The following STK3 variants were observed in gnomAD, a reference collection of about 807,000 sequenced individuals.
STK3 encodes serine/threonine kinase 3.
A neutral mutation model predicts 58.0 loss-of-function variants in STK3; 41 were observed. The observed-to-expected ratio is 0.71, with a 90% CI of 0.55 to 0.92. The LOEUF (loss-of-function observed/expected upper bound fraction) is 0.92. Among genes scored for constraint, STK3 ranks in the 40% least tolerant of loss-of-function variants. The pLI, the probability that STK3 is intolerant of heterozygous loss-of-function variation, is 0.00. For missense variants in STK3, 479 were observed against 602.7 expected (o/e 0.79, Z 2.15); for synonymous variants, 170 against 191.0 (o/e 0.89, Z 0.91).
intron 6 of STK3, among the ~76,000 whole-genome samples, chr8:98,618,368 GC>G (rs1178473421): frequency 6.6e-6 from 1 of 151,480 alleles, no homozygotes. Flanking sequence ...TACTGAATGG[GC>G]AAAAACTGGA....
intron 1 of STK3, among the ~76,000 whole-genome samples, chr8:98,786,159 G>A (rs989279432): frequency 2.0e-5 from 3 of 152,164 alleles, no homozygotes; most frequent in Non-Finnish European, 2.9e-5. Context: ...ATTTTTAAAA[G>A]AAATCAATCA....
At chr8:98,653,519 C>G (rs1821165296) in intron 6 of STK3, among the ~76,000 whole-genome samples, 1 of 152,076 alleles carries the variant, frequency 6.6e-6, no homozygotes, top group African/African-American at 2.4e-5. Flanking sequence ...ACAAAAAACC[C>G]TTCAAAAAAT....
chr8:98,817,532 T>C (rs1255200045), intron 1 of STK3, among the ~76,000 whole-genome samples: 1 of 151,636 alleles, frequency 6.6e-6, no homozygotes, highest in East Asian at 1.9e-4. Context: ...CCACTTAATA[T>C]CACATTTTAG....
At chr8:98,505,708 G>C (rs551076069) in intron 10 of STK3, among the ~76,000 whole-genome samples, 1 of 152,136 alleles carries the variant, frequency 6.6e-6, no homozygotes, top group South Asian at 2.1e-4. Context: ...TGTTTGCCTG[G>C]GTATCACCAG....
At chr8:98,640,342 G>A (rs191157051) in intron 6 of STK3, among the ~76,000 whole-genome samples, 75 of 152,228 alleles carry the variant, frequency 4.9e-4, no homozygotes, top group Admixed American at 8.5e-4. Flanking sequence ...GAGCAACTGT[G>A]CCTGACCTCC....
At position 98,823,604 on chromosome 8, in the gene STK3, G is replaced by A. The variant is rs539108717; in HGVS notation, c.26+1911C>T. On this transcript the variant is annotated intron_variant, in intron 1 of 10. Transcript: ENST00000419617. ...CAACTAACACTGTTGAACACATAGG[G>A]GCTTCAAATATATTTGTCAAATTTT... Among the ~76,000 whole-genome samples, 6 of 152,214 alleles carry A rather than the reference G, an allele frequency of 3.9e-5. No homozygotes were observed. In the East Asian group the frequency reaches 7.7e-4, roughly 20 times the overall value.
chr8:98,364,080 C>T, the STK3 span, among the ~76,000 whole-genome samples: 1 of 152,134 alleles, frequency 6.6e-6, no homozygotes, highest in South Asian at 2.1e-4. Context: ...TCACTGTCTG[C>T]TGGAGGGCCA....
chr8:98,462,763 G>A (rs564569097), intron 10 of STK3, among the ~76,000 whole-genome samples: 8 of 152,102 alleles, frequency 5.3e-5, no homozygotes, highest in Admixed American at 2.6e-4. Flanking sequence ...CCTTTCTCTC[G>A]TATCTCCTTT....
upstream of STK3, among the ~76,000 whole-genome samples, chr8:98,828,604 A>AAG (rs894984881): frequency 4.0e-5 from 6 of 151,818 alleles, no homozygotes; most frequent in Admixed American, 2.0e-4. Context: ...GAAAGAAAGA[A>AAG]AGAGAGAGAG....
intron 1 of STK3, among the ~76,000 whole-genome samples, chr8:98,911,301 A>G (rs1053184049): frequency 2.6e-5 from 4 of 152,244 alleles, no homozygotes; most frequent in Non-Finnish European, 5.9e-5. Flanking sequence ...TGTTTTTGCC[A>G]TGATCAATAA....
At chr8:98,473,685 T>C (rs1206375882) in intron 10 of STK3, among the ~76,000 whole-genome samples, 1 of 152,190 alleles carries the variant, frequency 6.6e-6, no homozygotes, top group Non-Finnish European at 1.5e-5. Flanking sequence ...CAGCTGTACT[T>C]GATACTTTGT....
chr8:98,586,746 A>G (rs1456187509), intron 7 of STK3, among the ~76,000 whole-genome samples: 2 of 151,992 alleles, frequency 1.3e-5, no homozygotes, highest in Non-Finnish European at 2.9e-5. Flanking sequence ...TTTGGTTGGT[A>G]AGCTATTGAT....
chr8:98,531,232 T>C (rs1826150263), intron 9 of STK3, among the ~76,000 whole-genome samples: 1 of 152,262 alleles, frequency 6.6e-6, no homozygotes, highest in Non-Finnish European at 1.5e-5. Flanking sequence ...CCTTATAAAA[T>C]GTATTTCTTA....
chr8:98,915,770 T>A (rs1411409479), intron 1 of STK3, among the ~76,000 whole-genome samples: 1 of 152,000 alleles, frequency 6.6e-6, no homozygotes, highest in East Asian at 1.9e-4. Flanking sequence ...AGAGAAAATA[T>A]CCATCCTCCG....
downstream of STK3, among the ~76,000 whole-genome samples, chr8:98,398,136 G>T (rs536343826): frequency 1.3e-5 from 2 of 152,156 alleles, no homozygotes; most frequent in African/African-American, 2.4e-5. Flanking sequence ...AGCAGAGAGC[G>T]AAGGGCATCA....
Position 98,579,749 on chromosome 8 carries a change from C to G in STK3, c.863G>C (p.Arg288Thr), listed in dbSNP as rs374827150. 4 of 1,602,846 alleles carry G rather than the reference C, an allele frequency of 2.5e-6. No homozygotes were observed. The highest frequency in any genetic ancestry group is 3.4e-6 in the Non-Finnish European group (4 of 1,176,746). ...IKNAKPVSIL[R>T]DLITEAMEIK... ...CTCCATAGCTTCTGTGATCAGGTCT[C>G]TTAATATTGATACAGGTTTGGCATT... is the stretch of plus-strand genomic sequence containing the variant. Residue 288 changes from arginine (R) to threonine (T), a missense_variant, in exon 8 of 11, where the codon AGA becomes ACA. Arg to Thr is a moderately conservative substitution (Grantham distance 71). Coordinates refer to ENST00000419617, the MANE Select transcript of STK3 (RefSeq NM_006281.4).
intron 10 of STK3, among the ~76,000 whole-genome samples, chr8:98,491,937 T>C (rs978881897): frequency 1.1e-4 from 17 of 152,298 alleles, no homozygotes; most frequent in African/African-American, 3.8e-4. Context: ...GATCTCCACT[T>C]ACATGCTTTA....
At chr8:98,915,625 A>C (rs1475411486) in intron 1 of STK3, among the ~76,000 whole-genome samples, 1 of 151,852 alleles carries the variant, frequency 6.6e-6, no homozygotes, top group East Asian at 1.9e-4. Flanking sequence ...AAATGCAAAT[A>C]ATAATTAATG....
chr8:98,429,317 C>T, intron 3 of STK3: 1 of 1,614,090 alleles, frequency 6.2e-7, no homozygotes, highest in South Asian at 1.1e-5. Context: ...ATTTAAGGGA[C>T]TATTATGCCC....
Sources: allele counts gnomAD v4.1 joint callset (sites outside exome capture counted in the v4.1 genomes callset), GRCh38; gene constraint gnomAD v4.1.1; transcripts MANE v1.5; gene names NCBI Gene and HGNC (gene_info 2026-07-23, HGNC 2026-07-21).